Variants in MACROD2 observed in about 807,000 individuals in gnomAD.
MACROD2 encodes ADP-ribose glycohydrolase MACROD2.
A neutral mutation model predicts 70.4 loss-of-function variants in MACROD2; 36 were observed. That is an observed-to-expected ratio of 0.51 (90% CI 0.39 to 0.68). The LOEUF (loss-of-function observed/expected upper bound fraction) is 0.68, where lower values mean the gene tolerates loss of function less well. Among genes scored for constraint, MACROD2 ranks in the 30% least tolerant of loss-of-function variants. The probability of loss-of-function intolerance (pLI) is 0.00; values close to 1 mark genes in which losing one functional copy is unlikely to be tolerated. For synonymous variants in MACROD2, 172 were observed against 178.8 expected (o/e 0.96, Z 0.30); for missense variants, 496 against 538.4 (o/e 0.92, Z 0.78).
chr20:14,977,146 T>C (rs2074747339), intron 5 of MACROD2, among the ~76,000 whole-genome samples: 1 of 152,062 alleles, frequency 6.6e-6, no homozygotes, highest in African/African-American at 2.4e-5. Context: ...AGAACTGACA[T>C]TATTGTCAGG....
chr20:15,526,957 A>G (rs866370138), intron 8 of MACROD2, among the ~76,000 whole-genome samples: 1 of 152,222 alleles, frequency 6.6e-6, no homozygotes, highest in Non-Finnish European at 1.5e-5. Context: ...GCTAGCAAGT[A>G]TCTCACCACG....
At chr20:14,178,759 G>C (rs1334086540) in intron 3 of MACROD2, among the ~76,000 whole-genome samples, 2 of 136,294 alleles carry the variant, frequency 1.5e-5, no homozygotes, top group Non-Finnish European at 3.1e-5. Context: ...TGACCGTAGT[G>C]AGGAGTCATC....
At chr20:14,348,232 G>T (rs997361052) in intron 3 of MACROD2, among the ~76,000 whole-genome samples, 1 of 145,528 alleles carries the variant, frequency 6.9e-6, no homozygotes, top group Non-Finnish European at 1.5e-5. Context: ...TTGTGCCATT[G>T]CACTCCAACC....
intron 5 of MACROD2, among the ~76,000 whole-genome samples, chr20:15,199,729 C>T (rs1299891410): frequency 6.6e-6 from 1 of 152,184 alleles, no homozygotes; most frequent in African/African-American, 2.4e-5. Flanking sequence ...TTTGTTCATG[C>T]TGTTTTAAAG....
chr20:15,398,257 G>T (rs2045885568), intron 6 of MACROD2, among the ~76,000 whole-genome samples: 1 of 152,168 alleles, frequency 6.6e-6, no homozygotes, highest in African/African-American at 2.4e-5. Context: ...GGGGGAGGTT[G>T]TTCAGCAAAT....
At chr20:14,924,321 C>G (rs1303906166) in intron 5 of MACROD2, among the ~76,000 whole-genome samples, 1 of 151,970 alleles carries the variant, frequency 6.6e-6, no homozygotes, top group Admixed American at 6.6e-5. Flanking sequence ...CGTCTGTAAT[C>G]CCAGCTACTG....
At chr20:15,446,675 C>A (rs2046570191) in intron 7 of MACROD2, among the ~76,000 whole-genome samples, 1 of 152,198 alleles carries the variant, frequency 6.6e-6, no homozygotes. Flanking sequence ...AGCTCAGGGG[C>A]TCCAAGCTTC....
At chr20:15,873,773 C>G (rs1436894230) in intron 9 of MACROD2, among the ~76,000 whole-genome samples, 1 of 151,858 alleles carries the variant, frequency 6.6e-6, no homozygotes, top group Admixed American at 6.6e-5. Context: ...AAGAAGAAAC[C>G]CTTTTTAATG....
At chr20:14,592,955 A>G (rs1981875995) in intron 4 of MACROD2, among the ~76,000 whole-genome samples, 1 of 152,212 alleles carries the variant, frequency 6.6e-6, no homozygotes, top group Non-Finnish European at 1.5e-5. Flanking sequence ...TGTTACAATC[A>G]GTATTACTCA....
chr20:14,708,217 T>C (rs1036326698), intron 5 of MACROD2, among the ~76,000 whole-genome samples: 4 of 152,230 alleles, frequency 2.6e-5, no homozygotes, highest in African/African-American at 9.7e-5. Flanking sequence ...ACATTTAATC[T>C]TCCTGATAAC....
At chr20:15,866,816 C>G (rs1416965021) in intron 9 of MACROD2, among the ~76,000 whole-genome samples, 1 of 152,100 alleles carries the variant, frequency 6.6e-6, no homozygotes, top group Non-Finnish European at 1.5e-5. Flanking sequence ...AAATTGAATT[C>G]CATTCACATT....
At chr20:15,061,050 T>G (rs2075528517) in intron 5 of MACROD2, among the ~76,000 whole-genome samples, 1 of 152,210 alleles carries the variant, frequency 6.6e-6, no homozygotes, top group Non-Finnish European at 1.5e-5. Context: ...CAAGATGGTA[T>G]GAAATTGCTG....
intron 8 of MACROD2, among the ~76,000 whole-genome samples, chr20:15,518,578 C>T (rs1325327606): frequency 6.6e-6 from 1 of 151,006 alleles, no homozygotes; most frequent in African/African-American, 2.4e-5. Flanking sequence ...GATTTAAAAG[C>T]AAAAAGGAGA....
At chr20:15,588,764 C>G (rs988806592) in intron 8 of MACROD2, among the ~76,000 whole-genome samples, 1 of 152,198 alleles carries the variant, frequency 6.6e-6, no homozygotes, top group Admixed American at 6.5e-5. Context: ...CCATCTGAGA[C>G]CACCTCAGCC....
chr20:14,784,668 T>G (rs1480118775), intron 5 of MACROD2, among the ~76,000 whole-genome samples: 393 of 94,736 alleles, frequency 4.1e-3, no homozygotes, highest in Middle Eastern at 7.1e-3. Context: ...GTGTTTTAAG[T>G]GGGGGGGGGG....
At chr20:14,251,080 G>C (rs969933149) in intron 3 of MACROD2, among the ~76,000 whole-genome samples, 1 of 152,074 alleles carries the variant, frequency 6.6e-6, no homozygotes, top group Non-Finnish European at 1.5e-5. Flanking sequence ...GGCACTTCTA[G>C]ATTCATAAAA....
intron 3 of MACROD2, among the ~76,000 whole-genome samples, chr20:14,271,134 G>C (rs6042632): frequency 0.011 from 1,666 of 152,314 alleles, 28 homozygotes; most frequent in African/African-American, 0.038. Flanking sequence ...GGTTTGAAGA[G>C]AGCAGTGATT....
chr20:15,525,331 C>T (rs955623503), intron 8 of MACROD2, among the ~76,000 whole-genome samples: 2 of 152,170 alleles, frequency 1.3e-5, no homozygotes, highest in African/African-American at 4.8e-5. Flanking sequence ...TCTTCGGTTC[C>T]CTACAGAGTT....
At chr20:14,955,110 TTA>T (rs1388810091) in intron 5 of MACROD2, among the ~76,000 whole-genome samples, 10 of 20,150 alleles carry the variant, frequency 5.0e-4, no homozygotes, top group Non-Finnish European at 1.2e-3. Flanking sequence ...ATAATTTATA[TTA>T]TATATAACTT....
Sources: allele counts gnomAD v4.1 joint callset (sites outside exome capture counted in the v4.1 genomes callset), GRCh38; gene constraint gnomAD v4.1.1; transcripts MANE v1.5; gene names NCBI Gene and HGNC (gene_info 2026-07-23, HGNC 2026-07-21).